The following LMO7 variants were observed in gnomAD, a reference collection of about 807,000 sequenced individuals.
LMO7 encodes LIM domain only protein 7.
Under a neutral mutation model 206.5 loss-of-function variants are expected in LMO7, and 120 were observed. The observed-to-expected ratio is 0.58, with a 90% CI of 0.50 to 0.68. The LOEUF (loss-of-function observed/expected upper bound fraction) is 0.68. Ranked by LOEUF, LMO7 falls within the 30% of genes least tolerant of loss-of-function variation. LMO7 has a pLI of 0.00. For missense variants in LMO7, 1,959 were observed against 1,957.9 expected, an observed-to-expected ratio of 1.00 and a Z score of -0.01; for synonymous variants, 706 against 681.5, an observed-to-expected ratio of 1.04 and a Z score of -0.56.
chr13:75,703,613 G>A (rs757801931), intron 1 of LMO7, among the ~76,000 whole-genome samples: 6 of 152,218 alleles, frequency 3.9e-5, no homozygotes, highest in East Asian at 3.9e-4. Context: ...GACATAACTC[G>A]GGTTCCTGTT....
intron 1 of LMO7, among the ~76,000 whole-genome samples, chr13:75,677,669 T>A (rs1396714923): frequency 1.3e-5 from 2 of 151,422 alleles, no homozygotes; most frequent in African/African-American, 4.8e-5. Flanking sequence ...TACTTTAAGT[T>A]CTAGGGTACA....
chr13:75,664,612 T>C, intron 1 of LMO7, among the ~76,000 whole-genome samples: 1 of 152,236 alleles, frequency 6.6e-6, no homozygotes, highest in East Asian at 1.9e-4. Context: ...ACCAAACTGT[T>C]CTCCATATTG....
At chr13:75,648,052 A>C (rs1388019865) in intron 1 of LMO7, among the ~76,000 whole-genome samples, 1 of 141,594 alleles carries the variant, frequency 7.1e-6, no homozygotes, top group Non-Finnish European at 1.5e-5. Flanking sequence ...GGCTCAACTG[A>C]TCCTCCTGTC....
At chr13:75,815,341 C>T (rs1045196044) in intron 11 of LMO7, among the ~76,000 whole-genome samples, 3 of 151,976 alleles carry the variant, frequency 2.0e-5, no homozygotes, top group African/African-American at 7.3e-5. Flanking sequence ...ATTTAGAAGG[C>T]AGAGGGACAG....
At chr13:75,718,337 A>T (rs778346507) in intron 2 of LMO7, among the ~76,000 whole-genome samples, 57 of 152,174 alleles carry the variant, frequency 3.7e-4, no homozygotes, top group Non-Finnish European at 6.0e-4. Context: ...GAGGGTTGAA[A>T]TCCTGGAGAG....
chr13:75,704,647 G>T (rs1001852260), intron 1 of LMO7, among the ~76,000 whole-genome samples: 20 of 152,222 alleles, frequency 1.3e-4, no homozygotes, highest in African/African-American at 4.6e-4. Context: ...AGAAGTGCCT[G>T]CTGACTCGCA....
In LMO7 at chr13:75,718,980, C is replaced by CT. The variant is rs750920790; in HGVS notation, c.140+5744dup. On this transcript the variant is annotated intron_variant, in intron 2 of 30. Transcript: ENST00000377534. ...ATGGTTTGATAGCTCATGTCTCTCT[C>CT]TTTTTTTTTTTTTTTTGAGATGGAG... 6.2e-3 allele frequency among the ~76,000 whole-genome samples: 875 copies of CT among 140,378 alleles called. 1 individual carries two copies. The highest frequency in any genetic ancestry group is 0.016 in the South Asian group (68 of 4,354). The allele number at this position is 140,378 out of a possible 152,430, so 92.1% of individuals were successfully genotyped here. A position where few individuals can be genotyped will look rare whatever the true frequency, so the allele number is the denominator to read the frequency against.
chr13:75,689,827 G>T (rs2139614807), intron 1 of LMO7, among the ~76,000 whole-genome samples: 1 of 152,296 alleles, frequency 6.6e-6, no homozygotes, highest in African/African-American at 2.4e-5. Flanking sequence ...AACTTTTGAG[G>T]TTTTGGGACA....
At chr13:75,844,334 A>G (rs902363263) in intron 25 of LMO7, among the ~76,000 whole-genome samples, 24 of 151,190 alleles carry the variant, frequency 1.6e-4, no homozygotes, top group African/African-American at 5.3e-4. Flanking sequence ...ACATATATGT[A>G]CATAAGTATA....
chr13:75,762,990 G>T (rs925735415), intron 4 of LMO7, among the ~76,000 whole-genome samples: 3 of 152,140 alleles, frequency 2.0e-5, no homozygotes, highest in African/African-American at 7.2e-5. Flanking sequence ...CAGATTTAAA[G>T]AAAAGCAAAT....
Position 75,841,134 on chromosome 13 carries a change from A to C in LMO7, c.3608A>C (p.Lys1203Thr), listed in dbSNP as rs2059529801. 4 of 1,612,812 alleles carry C rather than the reference A, an allele frequency of 2.5e-6. No homozygotes were observed. In the East Asian group the frequency reaches 8.9e-5, roughly 36 times the overall value. ...LQEKYQREQE[K>T]LREEWQRAKQ... is the part of the protein sequence containing the mutation. Reference sequence around the variant, plus strand: ...GAAAAATATCAACGTGAGCAGGAGAAACTGAGGGAAGAGTGGCAAAGGGCC... The same window carrying C: ...GAAAAATATCAACGTGAGCAGGAGACACTGAGGGAAGAGTGGCAAAGGGCC... The change falls in exon 23 of 31, where the codon AAA becomes ACA. Residue 1203 changes from lysine to threonine, a missense_variant. Lys to Thr is a moderately conservative substitution (Grantham distance 78). Coordinates refer to ENST00000377534, the MANE Select transcript of LMO7 (RefSeq NM_001306080.2).
rs369238115 is a variant in LMO7 at position 75,800,933 on chromosome 13, C to T, written c.661+51C>T. The stretch of plus-strand genomic sequence containing the variant: ...TATTTGTTCACATATTAAGGGAGAA[C>T]TGGGAACAGGAGAGAATAGAAAAAT... On this transcript the variant is annotated intron_variant, in intron 7 of 30. Coordinates refer to ENST00000377534, the MANE Select transcript of LMO7 (RefSeq NM_001306080.2). 3.9e-6 allele frequency: 6 copies of T among 1,549,820 alleles called. No individual in the cohort carries two copies. In the East Asian group the frequency reaches 1.3e-4, roughly 35 times the overall value.
intron 1 of LMO7, among the ~76,000 whole-genome samples, chr13:75,684,290 A>G (rs757893267): frequency 1.6e-4 from 24 of 152,140 alleles, no homozygotes; most frequent in Admixed American, 1.3e-4. Context: ...CTAGAGTGCA[A>G]TGGTGCAATC....
At chr13:75,800,653 C>G (rs373619598) in intron 6 of LMO7, 31 bp from the exon 7 acceptor site, 24 of 1,589,840 alleles carry the variant, frequency 1.5e-5, no homozygotes, top group Non-Finnish European at 1.9e-5. Context: ...GTTTATTTAA[C>G]TTACTATTCT....
Position 75,807,464 on chromosome 13 carries a change from C to T in LMO7, c.1197-16C>T. ...CTTAATAAGATTCTCTTTCCTTTTT[C>T]CTCTCTGTGCATCAGTCAGTTTTTA... On this transcript the variant is annotated splice_polypyrimidine_tract_variant and intron_variant, in intron 9 of 30. Transcript: ENST00000377534. The T allele has an allele frequency of 6.2e-7, 1 of 1,605,656 alleles. No homozygotes were observed. Among genetic ancestry groups the T allele is most frequent in the East Asian group, 2.2e-5 (1 of 44,760 alleles).
At chr13:75,748,496 G>T (rs1165133683) in intron 3 of LMO7, among the ~76,000 whole-genome samples, 1 of 152,180 alleles carries the variant, frequency 6.6e-6, no homozygotes, top group Non-Finnish European at 1.5e-5. Context: ...AGCATAAAGT[G>T]GTTCAGTATG....
Position 75,856,486 on chromosome 13 carries a change from C to CTTTTTTT in LMO7, c.4771-16_4771-10dup. 1 of 1,278,064 alleles carries CTTTTTTT rather than the reference C, an allele frequency of 7.8e-7. No homozygotes were observed. Among genetic ancestry groups the CTTTTTTT allele is most frequent in the Non-Finnish European group, 1.1e-6 (1 of 921,526 alleles). 79.2% of individuals were successfully genotyped at this position (1,278,064 alleles called of 1,614,324 possible). A position where few individuals can be genotyped will look rare whatever the true frequency, so the allele number is the denominator to read the frequency against. The stretch of plus-strand genomic sequence containing the variant: ...CTTGAGCTGACTGATTGTAGATGTT[C>CTTTTTTT]TTTTTTTTTTGTTCCCCAGTGTGTT... On this transcript the variant is annotated intron_variant, in intron 29 of 30. Transcript: ENST00000377534.
At chr13:75,764,776 A>G (rs1380787824) in intron 4 of LMO7, among the ~76,000 whole-genome samples, 1 of 152,154 alleles carries the variant, frequency 6.6e-6, no homozygotes, top group Non-Finnish European at 1.5e-5. Flanking sequence ...CTTCAGATAC[A>G]TTCTGTTGAT....
At chr13:75,805,849 GAGAC>G (rs1344915339) in intron 9 of LMO7, 89 bp downstream of exon 9, 5 of 1,350,060 alleles carry the variant, frequency 3.7e-6, no homozygotes, top group Non-Finnish European at 5.1e-6. Flanking sequence ...AATAATAAGA[GAGAC>G]AGAGAAAGTC....
Sources: allele counts gnomAD v4.1 joint callset (sites outside exome capture counted in the v4.1 genomes callset), GRCh38; gene constraint gnomAD v4.1.1; transcripts MANE v1.5; gene names NCBI Gene and HGNC (gene_info 2026-07-23, HGNC 2026-07-21).